The following LSM14A variants were observed in gnomAD, a reference collection of about 807,000 sequenced individuals.
LSM14A encodes LSM14A mRNA processing body assembly factor, also known as protein LSM14 homolog A.
A neutral mutation model predicts 52.4 loss-of-function variants in LSM14A; 14 were observed. The observed-to-expected ratio is 0.27, with a 90% CI of 0.18 to 0.42. The LOEUF (loss-of-function observed/expected upper bound fraction) is 0.42. LSM14A is among the 10% of genes least tolerant of loss of function. The pLI is 1.00. For synonymous variants in LSM14A, 185 were observed against 200.3 expected, an observed-to-expected ratio of 0.92 and a Z score of 0.64; for missense variants, 417 against 581.8, an observed-to-expected ratio of 0.72 and a Z score of 2.91.
chr19:34,212,792 T>C (rs2072267510), intron 4 of LSM14A, among the ~76,000 whole-genome samples: 1 of 152,194 alleles, frequency 6.6e-6, no homozygotes, highest in Non-Finnish European at 1.5e-5. Context: ...GCCTTAATAG[T>C]GAAAAGGCTT....
chr19:34,218,237 C>T (rs1344559993), intron 6 of LSM14A, among the ~76,000 whole-genome samples: 1 of 152,086 alleles, frequency 6.6e-6, no homozygotes, highest in Non-Finnish European at 1.5e-5. Context: ...AGCTCCTGAC[C>T]TCGTGATCCG....
chr19:34,213,743 T>C (rs148372430), intron 4 of LSM14A, among the ~76,000 whole-genome samples: 2,632 of 152,312 alleles, frequency 0.017, 34 homozygotes, highest in South Asian at 0.034. Context: ...AGGAAAAATA[T>C]AATGTATAAG....
At chr19:34,207,811 G>A (rs2145766494) in intron 3 of LSM14A, among the ~76,000 whole-genome samples, 1 of 152,230 alleles carries the variant, frequency 6.6e-6, no homozygotes, top group South Asian at 2.1e-4. Context: ...TTACAGGTGT[G>A]AGCCACTGCG....
intron 1 of LSM14A, among the ~76,000 whole-genome samples, chr19:34,182,681 CAAAAA>C (rs74177115): frequency 3.7e-5 from 4 of 108,782 alleles, no homozygotes; most frequent in Non-Finnish European, 7.9e-5. Flanking sequence ...ACTAAAAATA[CAAAAA>C]AAAAAAAAAA....
chr19:34,191,391 G>GA (rs71165631), intron 1 of LSM14A, among the ~76,000 whole-genome samples: 20,369 of 148,886 alleles, frequency 0.14, 1,672 homozygotes, highest in Middle Eastern at 0.25. Context: ...GCTGGTAATG[G>GA]AAAAAAAAAC....
chr19:34,215,916 T>C (rs2072551126), intron 6 of LSM14A, among the ~76,000 whole-genome samples: 1 of 152,116 alleles, frequency 6.6e-6, no homozygotes, highest in South Asian at 2.1e-4. Context: ...ATGTACAAAC[T>C]GGTGACATCT....
intron 1 of LSM14A, among the ~76,000 whole-genome samples, chr19:34,188,100 A>G (rs2070064306): frequency 6.6e-6 from 1 of 152,086 alleles, no homozygotes; most frequent in Non-Finnish European, 1.5e-5. Context: ...CAACCTGGGC[A>G]ACATGGCGAA....
In LSM14A at chr19:34,215,674, A is replaced by G. The variant is rs763441473; in HGVS notation, c.781+13A>G. On this transcript the variant is annotated intron_variant, in intron 6 of 9. Transcript: ENST00000544216. ...AAGAGACAAGTAGGTAAGTTCTTGG[A>G]TCTAAAAGTCATATTCTATGCTTCT... 9 of 1,574,838 alleles carry G rather than the reference A, an allele frequency of 5.7e-6. No homozygotes were observed. In the East Asian group the frequency reaches 2.0e-4, roughly 35 times the overall value.
At chr19:34,205,826 A>G (rs2071656302) in intron 3 of LSM14A, among the ~76,000 whole-genome samples, 2 of 152,168 alleles carry the variant, frequency 1.3e-5, no homozygotes, top group Admixed American at 1.3e-4. Flanking sequence ...CAGCAAAGTC[A>G]AGAGTTTGTT....
At chr19:34,204,396 A>G (rs1229717642) in intron 3 of LSM14A, among the ~76,000 whole-genome samples, 2 of 152,230 alleles carry the variant, frequency 1.3e-5, no homozygotes, top group African/African-American at 2.4e-5. Flanking sequence ...AGGAGAATTT[A>G]CAAGGGAAAT....
At chr19:34,196,956 G>C (rs1370096150) in intron 3 of LSM14A, among the ~76,000 whole-genome samples, 193 bp downstream of exon 3, 2 of 151,192 alleles carry the variant, frequency 1.3e-5, no homozygotes, top group Non-Finnish European at 2.9e-5. Context: ...TTAAAAGTCA[G>C]CTTTCACAGA....
chr19:34,222,325 A>G (rs2073110278), intron 9 of LSM14A, among the ~76,000 whole-genome samples: 1 of 152,238 alleles, frequency 6.6e-6, no homozygotes. Flanking sequence ...TCCTTTCACC[A>G]TGAAATTGAA....
intron 1 of LSM14A, among the ~76,000 whole-genome samples, chr19:34,184,515 A>C (rs1030321833): frequency 6.6e-6 from 1 of 152,186 alleles, no homozygotes; most frequent in African/African-American, 2.4e-5. Flanking sequence ...CATGGAGTTC[A>C]TGGTAGATTT....
rs544608535 is a variant in LSM14A at position 34,182,768 on chromosome 19, C to T, written c.121+10005C>T. 1.4e-4 allele frequency among the ~76,000 whole-genome samples: 21 copies of T among 147,332 alleles called. No individual in the cohort carries two copies. In the South Asian group the frequency reaches 2.9e-3, roughly 20 times the overall value. ...CTGAGGCAGGAGAATGGTGTGAACCCGGGAGGCGGAGCTTGCAGTGAGCCA... is the reference window on the plus strand; with the variant it reads ...CTGAGGCAGGAGAATGGTGTGAACCTGGGAGGCGGAGCTTGCAGTGAGCCA... On this transcript the variant is annotated intron_variant, in intron 1 of 9. Transcript: ENST00000544216.
At chr19:34,178,068 G>A (rs889299527) in intron 1 of LSM14A, among the ~76,000 whole-genome samples, 3 of 151,970 alleles carry the variant, frequency 2.0e-5, no homozygotes, top group Non-Finnish European at 4.4e-5. Flanking sequence ...GGCTGAGGCA[G>A]GAGAATTGCT....
At chr19:34,209,604 A>C (rs2071983874) in intron 4 of LSM14A, among the ~76,000 whole-genome samples, 1 of 152,164 alleles carries the variant, frequency 6.6e-6, no homozygotes. Flanking sequence ...TTATTTCTTA[A>C]GATTCTGCTC....
intron 9 of LSM14A, 189 bp downstream of exon 9, chr19:34,221,927 T>A: frequency 8.4e-7 from 1 of 1,185,780 alleles, no homozygotes; most frequent in Non-Finnish European, 1.1e-6. Flanking sequence ...AAAGACAGTA[T>A]AGTATCACCT....
intron 1 of LSM14A, 91 bp from the exon 2 acceptor site, chr19:34,194,387 C>A: frequency 8.6e-7 from 1 of 1,163,912 alleles, no homozygotes; most frequent in Non-Finnish European, 1.3e-6. Flanking sequence ...AGAACTACTG[C>A]TTAGTACTTG....
intron 3 of LSM14A, 125 bp downstream of exon 3, chr19:34,196,888 T>C: frequency 3.6e-6 from 3 of 840,878 alleles, no homozygotes; most frequent in Non-Finnish European, 5.3e-6. Context: ...CTTTGTTTTA[T>C]GGTATTCAGA....
Sources: gnomAD v4.1 joint callset for allele counts (sites outside exome capture counted in the v4.1 genomes callset) on GRCh38, gnomAD v4.1.1 for gene constraint, MANE v1.5 for transcripts, NCBI Gene and HGNC (gene_info 2026-07-23, HGNC 2026-07-21) for gene names.